Variants in CEACAM3 observed in about 807,000 individuals in gnomAD.
CEACAM3 encodes cell adhesion molecule CEACAM3.
A neutral mutation model predicts 30.1 loss-of-function variants in CEACAM3; 32 were observed. That is an observed-to-expected ratio of 1.06 (90% confidence interval 0.80 to 1.43). The LOEUF (loss-of-function observed/expected upper bound fraction) is 1.43, where lower values mean the gene tolerates loss of function less well. CEACAM3 is among the 40% of genes most tolerant of loss of function. The pLI is 0.00. For synonymous variants in CEACAM3, 134 were observed against 127.2 expected (o/e 1.05, Z -0.36); for missense variants, 290 against 316.3 (o/e 0.92, Z 0.63).
chr19:41,802,731 C>T (rs1178235951), intron 2 of CEACAM3, among the ~76,000 whole-genome samples: 4 of 152,202 alleles, frequency 2.6e-5, no homozygotes, highest in South Asian at 4.1e-4. Flanking sequence ...GAAAGATCTC[C>T]GTGAATTCTA....
chr19:41,805,999 TTG>T (rs3838921), intron 2 of CEACAM3, among the ~76,000 whole-genome samples: 71,257 of 146,746 alleles, frequency 0.49, 19,797 homozygotes, highest in Middle Eastern at 0.7. Context: ...CTTCCTGTTG[TTG>T]TTGTTTGTTG....
chr19:41,796,837 G>T, intron 1 of CEACAM3, 96 bp downstream of exon 1: 3 of 1,335,368 alleles, frequency 2.2e-6, no homozygotes, highest in Non-Finnish European at 3.1e-6. Context: ...GGGACAGAAG[G>T]CTTCTGCTGA....
rs193110478 is a variant in CEACAM3 at position 41,809,127 on chromosome 19, G to T, written c.542+197G>T. Reference sequence around the variant, plus strand: ...CTGCCTCAACAGCTTCCTCCTCTGTGAATTTGGCCCAATTAAGGCCCCACC... The same window carrying T: ...CTGCCTCAACAGCTTCCTCCTCTGTTAATTTGGCCCAATTAAGGCCCCACC... On this transcript the variant is annotated intron_variant, in intron 3 of 6. Transcript: ENST00000357396. 832 of 437,368 alleles carry T rather than the reference G, an allele frequency of 1.9e-3. 10 individuals are homozygous for T. The highest frequency in any genetic ancestry group is 2.6e-4 in the Non-Finnish European group (62 of 243,032). The allele number at this position is 437,368 out of a possible 1,614,324, so 27.1% of individuals were successfully genotyped here.
At chr19:41,802,539 C>T (rs2073159483) in intron 2 of CEACAM3, among the ~76,000 whole-genome samples, 1 of 152,134 alleles carries the variant, frequency 6.6e-6, no homozygotes, top group Non-Finnish European at 1.5e-5. Flanking sequence ...TTGCTGGAGG[C>T]TCAGCATGGA....
In CEACAM3 at chr19:41,811,258, T is replaced by A; in HGVS notation, c.*21T>A. ...CTTAGCTTCCTCCAGGAGCTGCTCC[T>A]GTGTGTTGATGGAGAGTCCCCAAGG... On this transcript the variant is annotated 3_prime_UTR_variant, in exon 7 of 7. Transcript: ENST00000357396. 4.4e-6 allele frequency: 7 copies of A among 1,608,792 alleles called. No homozygotes were observed. The highest frequency in any genetic ancestry group is 6.0e-6 in the Non-Finnish European group (7 of 1,176,030).
intron 2 of CEACAM3, among the ~76,000 whole-genome samples, chr19:41,799,436 C>T (rs1254128795): frequency 6.6e-6 from 1 of 152,180 alleles, no homozygotes; most frequent in African/African-American, 2.4e-5. Context: ...TGGTGCCATG[C>T]CTGTATAGCC....
chr19:41,797,518 A>T (rs2073111241), intron 1 of CEACAM3, 71 bp from the exon 2 acceptor site: 1 of 1,546,790 alleles, frequency 6.5e-7, no homozygotes, highest in Non-Finnish European at 8.7e-7. Context: ...AGACTCTCTC[A>T]GGACCCAGGG....
At position 41,804,272 on chromosome 19, in the gene CEACAM3, C is replaced by T. The variant is rs1555826424; in HGVS notation, c.425-4541C>T. Among the ~76,000 whole-genome samples, 4 of 107,996 alleles carry T rather than the reference C, an allele frequency of 3.7e-5. 1 individual carries two copies. In the Middle Eastern group the frequency reaches 0.023, roughly 614 times the overall value. The allele number at this position is 107,996 out of a possible 152,430, so 70.8% of individuals were successfully genotyped here. A position where few individuals can be genotyped will look rare whatever the true frequency, so the allele number is the denominator to read the frequency against. On this transcript the variant is annotated intron_variant, in intron 2 of 6. Transcript: ENST00000357396. Reference sequence around the variant, plus strand: ...CTGTCTGATGGGCCCACTGCTTGTTCCACACACATGTGTCCCTCATGATGA... The same window carrying T: ...CTGTCTGATGGGCCCACTGCTTGTTTCACACACATGTGTCCCTCATGATGA...
At chr19:41,811,020 G>A (rs1048809800) in intron 6 of CEACAM3, 123 bp downstream of exon 6, 61 of 1,258,558 alleles carry the variant, frequency 4.8e-5, no homozygotes, top group Middle Eastern at 1.9e-4. Context: ...CGGGGGTGGC[G>A]AGCAGAGGAG....
chr19:41,803,466 G>T (rs797025651), intron 2 of CEACAM3, among the ~76,000 whole-genome samples: 55,489 of 123,020 alleles, frequency 0.45, 15,172 homozygotes, highest in Middle Eastern at 0.62. Context: ...GTGTTGTTTT[G>T]TTTGTTTTTT....
intron 3 of CEACAM3, chr19:41,809,351 T>C (rs1906022475): frequency 1.2e-5 from 2 of 172,504 alleles, no homozygotes; most frequent in Non-Finnish European, 2.5e-5. Context: ...CAATGGGGAG[T>C]GGACCAGCCT....
intron 1 of CEACAM3, chr19:41,797,209 C>G (rs1016467780): frequency 7.8e-6 from 2 of 257,088 alleles, no homozygotes; most frequent in Non-Finnish European, 1.5e-5. Flanking sequence ...GATAGACACC[C>G]AAAGAGATCT....
intron 2 of CEACAM3, among the ~76,000 whole-genome samples, chr19:41,803,461 G>GTGT (rs2073170835): frequency 4.2e-4 from 31 of 74,090 alleles, no homozygotes; most frequent in Non-Finnish European, 9.0e-4. Flanking sequence ...TGTGTGTGTT[G>GTGT]TTTTGTTTGT....
chr19:41,796,729 C>T lies in CEACAM3; in HGVS notation c.52C>T (p.Leu18Phe). The T allele has an allele frequency of 6.2e-7, 1 of 1,613,276 alleles. No individual in the cohort carries two copies. Among genetic ancestry groups the T allele is most frequent in the Non-Finnish European group, 8.5e-7 (1 of 1,179,556 alleles). ...CAGAGAATGCATCCCCTGGCAGGGG[C>T]TTCTGCTCACAGGTGAGTGGAGGAT... ...PHRECIPWQG[L>F]LLTASLLNFW... The change falls in exon 1 of 7, where the codon CTT becomes TTT. Residue 18 changes from leucine (L) to phenylalanine (F), a missense_variant. Leu to Phe is a conservative substitution (Grantham distance 22). Transcript: ENST00000357396.
At chr19:41,799,063 G>A (rs957037400) in intron 2 of CEACAM3, among the ~76,000 whole-genome samples, 1 of 152,178 alleles carries the variant, frequency 6.6e-6, no homozygotes, top group Non-Finnish European at 1.5e-5. Context: ...ACATCTCAGA[G>A]GGGGAGATTT....
At chr19:41,805,076 AAATATTCC>A (rs2073187447) in intron 2 of CEACAM3, among the ~76,000 whole-genome samples, 1 of 152,114 alleles carries the variant, frequency 6.6e-6, no homozygotes, top group Non-Finnish European at 1.5e-5. Context: ...CTTGTAATAC[AAATATTCC>A]AAAATAAAAA....
chr19:41,805,535 C>T lies in CEACAM3; in HGVS notation c.425-3278C>T, dbSNP rs142525238. Among the ~76,000 whole-genome samples the T allele has an allele frequency of 3.6e-3, 552 of 152,136 alleles. 10 individuals carry two copies. Among genetic ancestry groups the T allele is most frequent in the African/African-American group, 0.013 (522 of 41,482 alleles). On this transcript the variant is annotated intron_variant, in intron 2 of 6. Transcript: ENST00000357396. Reference sequence around the variant, plus strand: ...AACTCCCGACCTCAGGTGATCCGCCCGCCTCAGCATCCCAAAAGGCTGGGA... The same window carrying T: ...AACTCCCGACCTCAGGTGATCCGCCTGCCTCAGCATCCCAAAAGGCTGGGA...
intron 2 of CEACAM3, 31 bp from the exon 3 acceptor site, chr19:41,808,782 C>T (rs376646794): frequency 1.3e-6 from 2 of 1,565,436 alleles, no homozygotes; most frequent in Middle Eastern, 3.4e-4. Context: ...AGACTTGGGC[C>T]TCTATCCCCT....
At chr19:41,809,879 TG>T in intron 3 of CEACAM3, 85 bp from the exon 4 acceptor site, 1 of 1,342,812 alleles carries the variant, frequency 7.4e-7, no homozygotes, top group Non-Finnish European at 1.1e-6. Flanking sequence ...TCCTTGAAAA[TG>T]GGTTTCCCTT....
Sources: gnomAD v4.1 joint callset for allele counts (sites outside exome capture counted in the v4.1 genomes callset) on GRCh38, gnomAD v4.1.1 for gene constraint, MANE v1.5 for transcripts, NCBI Gene and HGNC (gene_info 2026-07-23, HGNC 2026-07-21) for gene names.